Variants in TMPRSS3 observed in about 807,000 individuals in gnomAD.
The protein encoded by TMPRSS3 is transmembrane serine protease 3.
TMPRSS3 carries 55 observed loss-of-function variants against 59.6 expected under a neutral mutation model. The observed-to-expected ratio is 0.92, with a 90% CI of 0.74 to 1.16. TMPRSS3 has a LOEUF of 1.16. Among genes scored for constraint, TMPRSS3 ranks in the 50% most tolerant of loss-of-function variants. The pLI, the probability that TMPRSS3 is intolerant of heterozygous loss-of-function variation, is 0.00. For synonymous variants in TMPRSS3, 257 were observed against 237.7 expected (o/e 1.08, Z -0.75); for missense variants, 596 against 579.4 (o/e 1.03, Z -0.29).
rs139865555 is a variant in TMPRSS3, at chr21:42,395,401, G to A, written c.17C>T (p.Pro6Leu). Residue 6 changes from proline (P) to leucine (L), a missense_variant, in exon 2 of 13, where the codon CCG becomes CTG. Coordinates refer to ENST00000644384, the MANE Select transcript of TMPRSS3 (RefSeq NM_001256317.3). MGEND[P>L]PAVEAPFSFR... Reference sequence around the variant, plus strand: ...TGAGAAGGGGGCTTCAACAGCAGGCGGATCATTTTCCCCCATGGTGACTAT... The same window carrying A: ...TGAGAAGGGGGCTTCAACAGCAGGCAGATCATTTTCCCCCATGGTGACTAT... The A allele has an allele frequency of 6.2e-5, 100 of 1,613,958 alleles. No individual in the cohort carries two copies. Among genetic ancestry groups the A allele is most frequent in the Non-Finnish European group, 8.1e-5 (96 of 1,179,996 alleles).
At chr21:42,384,170 A>C (rs1355829314) in intron 6 of TMPRSS3, among the ~76,000 whole-genome samples, 157 bp from the exon 7 acceptor site, 1 of 151,090 alleles carries the variant, frequency 6.6e-6, no homozygotes, top group Non-Finnish European at 1.5e-5. Context: ...AAAAAAAAAA[A>C]CCATGAGGAT....
In TMPRSS3 at chr21:42,376,571, G is replaced by C; in HGVS notation, c.1161C>G (p.Gly387=). The part of the protein sequence containing the change: ...GIISPSMLCA[G]YLTGGVDSCQ... ...AGCTGTCCACGCCACCCGTCAGGTA[G>C]CCCGCGCAGAGCATGGAGGGGGAGA... Residue 387 remains glycine, a synonymous_variant, in exon 11 of 13, where the codon GGC becomes GGG. Coordinates refer to ENST00000644384, the MANE Select transcript of TMPRSS3 (RefSeq NM_001256317.3). The C allele has an allele frequency of 6.2e-7, 1 of 1,613,766 alleles. No individual in the cohort carries two copies. The highest frequency in any genetic ancestry group is 8.5e-7 in the Non-Finnish European group (1 of 1,179,990).
At position 42,373,168 on chromosome 21, in the gene TMPRSS3, G is replaced by T. The variant is rs1001032956; in HGVS notation, c.1345-389C>A. Among the ~76,000 whole-genome samples the T allele has an allele frequency of 4.6e-5, 7 of 152,274 alleles. No homozygotes were observed. In the South Asian group the frequency reaches 8.3e-4, roughly 18 times the overall value. On this transcript the variant is annotated intron_variant, in intron 12 of 12. Transcript: ENST00000644384. ...GGGCATGCCACCAACTAGCACACGGGACACTTCCCCGCAAGACAGTGAGTC... is the reference window on the plus strand; with the variant it reads ...GGGCATGCCACCAACTAGCACACGGTACACTTCCCCGCAAGACAGTGAGTC...
rs569366047 is a variant in TMPRSS3, at chr21:42,384,214, A to G, written c.573-201T>C. 5.9e-5 allele frequency among the ~76,000 whole-genome samples: 9 copies of G among 152,210 alleles called. No individual in the cohort carries two copies. In the East Asian group the frequency reaches 1.5e-3, roughly 26 times the overall value. On this transcript the variant is annotated intron_variant, in intron 6 of 12. Transcript: ENST00000644384. ...ACAATTCATTGTAAAACACTCAACT[A>G]ACAGTGAAGTATTGTGTACACAACA... is the stretch of plus-strand genomic sequence containing the variant.
chr21:42,393,774 A>T (rs1356117795), intron 2 of TMPRSS3, among the ~76,000 whole-genome samples: 1 of 152,246 alleles, frequency 6.6e-6, no homozygotes, highest in Non-Finnish European at 1.5e-5. Flanking sequence ...AAGCAGCCAC[A>T]GACAGTATGT....
Position 42,380,107 on chromosome 21 carries a change from G to A in TMPRSS3, c.1048+10C>T. On this transcript the variant is annotated intron_variant, in intron 10 of 12. Transcript: ENST00000644384. ...CCCTGGACTCCGAATCTTGGCTTCA[G>A]CCCACTGACCTCCATCCTCTGTGGC... 2 of 1,611,338 alleles carry A rather than the reference G, an allele frequency of 1.2e-6. No homozygotes were observed. Among genetic ancestry groups the A allele is most frequent in the Middle Eastern group, 1.7e-4 (1 of 6,034 alleles).
chr21:42,387,284 C>T (rs2052651378), intron 5 of TMPRSS3, among the ~76,000 whole-genome samples: 1 of 151,912 alleles, frequency 6.6e-6, no homozygotes. Flanking sequence ...GAAAAGGAGG[C>T]CCCCCAACAC....
At chr21:42,394,182 A>G (rs909772904) in intron 2 of TMPRSS3, among the ~76,000 whole-genome samples, 3 of 152,140 alleles carry the variant, frequency 2.0e-5, no homozygotes, top group African/African-American at 4.8e-5. Context: ...CTACTTAGTC[A>G]TAGCAAAATA....
chr21:42,394,334 T>C (rs2052772390), intron 2 of TMPRSS3, among the ~76,000 whole-genome samples: 1 of 152,138 alleles, frequency 6.6e-6, no homozygotes, highest in Non-Finnish European at 1.5e-5. Context: ...ATACTGTGAT[T>C]CCATAAGAAA....
chr21:42,395,430 A>G lies in TMPRSS3; in HGVS notation c.-13T>C. The stretch of plus-strand genomic sequence containing the variant: ...CATTTTCCCCCATGGTGACTATTTC[A>G]GGACCTCTGACATCCGGCTCCGCCT... On this transcript the variant is annotated 5_prime_UTR_variant, in exon 2 of 13. Coordinates refer to ENST00000644384, the MANE Select transcript of TMPRSS3 (RefSeq NM_001256317.3). The G allele has an allele frequency of 6.2e-7, 1 of 1,612,030 alleles. No homozygotes were observed. The highest frequency in any genetic ancestry group is 8.5e-7 in the Non-Finnish European group (1 of 1,178,134).
Position 42,395,914 on chromosome 21 carries a change from C to G in TMPRSS3, c.-52+28G>C, listed in dbSNP as rs2052800919. The G allele has an allele frequency of 5.8e-6, 3 of 517,876 alleles. No homozygotes were observed. In the Admixed American group the frequency reaches 5.8e-5, roughly 10 times the overall value. The allele number at this position is 517,876 out of a possible 1,614,324, so 32.1% of individuals were successfully genotyped here. ...TTCCCTGTGCGTGTGGTACACCTACCATAAGCATAAGTAGTTTCGGTACTC... is the reference window on the plus strand; with the variant it reads ...TTCCCTGTGCGTGTGGTACACCTACGATAAGCATAAGTAGTTTCGGTACTC... On this transcript the variant is annotated intron_variant, in intron 1 of 12. Coordinates refer to ENST00000644384, the MANE Select transcript of TMPRSS3 (RefSeq NM_001256317.3).
rs2052665297 is a variant in TMPRSS3 at position 42,388,105 on chromosome 21, G to T, written c.446+298C>A. On this transcript the variant is annotated intron_variant, in intron 5 of 12. Transcript: ENST00000644384. This position sits in a 1 kb window ranked among gnomAD's most constrained non-coding sequence, Gnocchi z 5.1. ...AGGAGCTGGAGGGTTTTTTGGTTTT[G>T]TTTTTGTTTTCTACTTTGAAACTTT... 6.6e-6 allele frequency among the ~76,000 whole-genome samples: 1 copy of T among 152,158 alleles called. No homozygotes were observed. Among genetic ancestry groups the T allele is most frequent in the Non-Finnish European group, 1.5e-5 (1 of 68,010 alleles).
intron 10 of TMPRSS3, 112 bp downstream of exon 10, chr21:42,380,005 G>T: frequency 1.1e-6 from 1 of 874,418 alleles, no homozygotes; most frequent in Non-Finnish European, 1.9e-6. Context: ...TCCCTGGCCG[G>T]GGTATCTGGG....
Position 42,372,730 on chromosome 21 carries a change from G to A in TMPRSS3, c.*32C>T. The A allele has an allele frequency of 6.2e-7, 1 of 1,613,628 alleles. No homozygotes were observed. The highest frequency in any genetic ancestry group is 8.5e-7 in the Non-Finnish European group (1 of 1,179,584). On this transcript the variant is annotated 3_prime_UTR_variant, in exon 13 of 13. Transcript: ENST00000644384. ...GGATCGGGCTGTCTTCATCACCTCAGGAACTCAGGTGGCTACTTGTCCCCT... is the reference window on the plus strand; with the variant it reads ...GGATCGGGCTGTCTTCATCACCTCAAGAACTCAGGTGGCTACTTGTCCCCT...
Position 42,395,552 on chromosome 21 carries a change from T to C in TMPRSS3, c.-51-84A>G, listed in dbSNP as rs55901964. ...GCATCTTGGTCATACGGTAAATCTT[T>C]GAAATTCGACAGTCCACACAAAGCG... is the stretch of plus-strand genomic sequence containing the variant. On this transcript the variant is annotated intron_variant, in intron 1 of 12. Coordinates refer to ENST00000644384, the MANE Select transcript of TMPRSS3 (RefSeq NM_001256317.3). The C allele has an allele frequency of 0.034, 27,392 of 812,514 alleles. 704 individuals carry two copies. Among genetic ancestry groups the C allele is most frequent in the African/African-American group, 0.092 (5,387 of 58,736 alleles). The allele number at this position is 812,514 out of a possible 1,614,324, so 50.3% of individuals were successfully genotyped here. A position where few individuals can be genotyped will look rare whatever the true frequency, so the allele number is the denominator to read the frequency against.
chr21:42,373,544 A>G (rs987423708), intron 12 of TMPRSS3, among the ~76,000 whole-genome samples: 3 of 152,222 alleles, frequency 2.0e-5, no homozygotes, highest in African/African-American at 7.2e-5. Context: ...CACATTCACC[A>G]GGGTCTTCAC....
rs2052735660 is a variant in TMPRSS3, at chr21:42,391,581, G to A, written c.95-1544C>T. On this transcript the variant is annotated intron_variant, in intron 2 of 12. Transcript: ENST00000644384. Reference sequence around the variant, plus strand: ...GCTTGCAGACCACTGTAAAGATGAGGGTTCCCTTAACTCTGGGATATGCAG... The same window carrying A: ...GCTTGCAGACCACTGTAAAGATGAGAGTTCCCTTAACTCTGGGATATGCAG... Among the ~76,000 whole-genome samples, 5 of 152,292 alleles carry A rather than the reference G, an allele frequency of 3.3e-5. No homozygotes were observed. The South Asian group carries it at 1.0e-3, about 32-fold the overall frequency.
chr21:42,393,420 C>T (rs777883320), intron 2 of TMPRSS3, among the ~76,000 whole-genome samples: 1 of 152,116 alleles, frequency 6.6e-6, no homozygotes, highest in African/African-American at 2.4e-5. Flanking sequence ...ACTTAGACAC[C>T]GGAAAGCTCA....
At chr21:42,383,284 T>C (rs2052568194) in intron 7 of TMPRSS3, 86 bp from the exon 8 acceptor site, 1 of 1,437,790 alleles carries the variant, frequency 7.0e-7, no homozygotes, top group Admixed American at 1.8e-5. Context: ...TGCTCCTCTC[T>C]CCCCACCCTC....
Sources: allele counts gnomAD v4.1 joint callset (sites outside exome capture counted in the v4.1 genomes callset), GRCh38; gene constraint gnomAD v4.1.1; non-coding constraint Gnocchi (gnomAD v3.1); transcripts MANE v1.5; gene names NCBI Gene and HGNC (gene_info 2026-07-23, HGNC 2026-07-21).